The following SIPA1L3 variants were observed in gnomAD, a reference collection of about 807,000 sequenced individuals.
SIPA1L3 encodes signal-induced proliferation-associated 1-like protein 3.
In SIPA1L3, 59 loss-of-function variants were observed where a neutral mutation model predicts 150.1. The observed-to-expected ratio is 0.39, with a 90% CI of 0.32 to 0.49. The LOEUF (loss-of-function observed/expected upper bound fraction) is 0.49. Among genes scored for constraint, SIPA1L3 ranks in the 20% least tolerant of loss-of-function variants. The pLI, the probability that SIPA1L3 is intolerant of heterozygous loss-of-function variation, is 0.86. For synonymous variants in SIPA1L3, 1,070 were observed against 1,077.6 expected, an observed-to-expected ratio of 0.99 and a Z score of 0.14; for missense variants, 2,211 against 2,489.5, an observed-to-expected ratio of 0.89 and a Z score of 2.38.
chr19:38,152,703 A>G, intron 12 of SIPA1L3, 137 bp from the exon 13 acceptor site: 1 of 857,674 alleles, frequency 1.2e-6, no homozygotes, highest in South Asian at 2.4e-5. Context: ...CAGCCTTCCT[A>G]ACCGCTTTCT....
intron 1 of SIPA1L3, among the ~76,000 whole-genome samples, chr19:38,014,698 C>T (rs1038971026): frequency 1.3e-5 from 2 of 148,408 alleles, no homozygotes; most frequent in African/African-American, 5.0e-5. Flanking sequence ...GAGACGGAGC[C>T]TTGCTCTGTC....
chr19:37,973,565 G>GT (rs1555772360), intron 1 of SIPA1L3, among the ~76,000 whole-genome samples: 1 of 142,610 alleles, frequency 7.0e-6, no homozygotes. Flanking sequence ...GCGGGAGGGG[G>GT]GCGCATCTTG....
chr19:38,119,202 C>A lies in SIPA1L3; in HGVS notation c.2292-104C>A, dbSNP rs1970958669. On this transcript the variant is annotated intron_variant, in intron 8 of 21. Transcript: ENST00000222345. ...CAGAGTGAGACCTGTCTCGATAAAA[C>A]AAACAAACAAAAAACCCTATTCCTA... The A allele has an allele frequency of 1.5e-5, 17 of 1,160,610 alleles. No individual in the cohort carries two copies. The South Asian group carries it at 2.4e-4, about 16-fold the overall frequency. 71.9% of individuals were successfully genotyped at this position (1,160,610 alleles called of 1,614,324 possible).
chr19:38,033,972 T>G (rs733128), intron 2 of SIPA1L3, among the ~76,000 whole-genome samples: 74,384 of 151,990 alleles, frequency 0.49, 20,336 homozygotes, highest in East Asian at 0.71. Flanking sequence ...CTTGATTGAA[T>G]GAGGGCTTAT....
chr19:37,935,326 T>G (rs2046590874), intron 1 of SIPA1L3, among the ~76,000 whole-genome samples: 1 of 152,218 alleles, frequency 6.6e-6, no homozygotes, highest in Non-Finnish European at 1.5e-5. Context: ...GAAATCAGAA[T>G]GTGCAAGAGA....
chr19:38,122,574 A>G lies in SIPA1L3; in HGVS notation c.2868+2692A>G, dbSNP rs534088610. ...CTGTTCTCGACGTGGTAGTGAGAGCAATCTGATCACATCACCTCTCTGCCT... is the reference window on the plus strand; with the variant it reads ...CTGTTCTCGACGTGGTAGTGAGAGCGATCTGATCACATCACCTCTCTGCCT... On this transcript the variant is annotated intron_variant, in intron 9 of 21. Coordinates refer to ENST00000222345, the MANE Select transcript of SIPA1L3 (RefSeq NM_015073.3). 3.9e-5 allele frequency among the ~76,000 whole-genome samples: 6 copies of G among 152,216 alleles called. No individual in the cohort carries two copies. In the South Asian group the frequency reaches 1.2e-3, roughly 32 times the overall value.
chr19:37,919,705 CTT>C (rs10644508), intron 1 of SIPA1L3, among the ~76,000 whole-genome samples: 3 of 84,248 alleles, frequency 3.6e-5, no homozygotes, highest in African/African-American at 1.0e-4. Flanking sequence ...GGCCCTGAGG[CTT>C]TTTTTTTTTT....
At chr19:37,927,208 A>G (rs2046511674) in intron 1 of SIPA1L3, among the ~76,000 whole-genome samples, 1 of 148,458 alleles carries the variant, frequency 6.7e-6, no homozygotes, top group Non-Finnish European at 1.5e-5. Context: ...TAGTGGCGCA[A>G]TTTCAGCTCA....
At chr19:38,026,716 C>T (rs1968518817) in intron 1 of SIPA1L3, among the ~76,000 whole-genome samples, 1 of 152,152 alleles carries the variant, frequency 6.6e-6, no homozygotes, top group African/African-American at 2.4e-5. Context: ...ATCTCGGGTC[C>T]ATGGACCTTT....
rs75896993 is a variant in SIPA1L3, at chr19:38,145,240, A to C, written c.3533+2530A>C. Among the ~76,000 whole-genome samples the C allele has an allele frequency of 4.6e-5, 7 of 151,874 alleles. No individual in the cohort carries two copies. The East Asian group carries it at 1.2e-3, about 25-fold the overall frequency. Reference sequence around the variant, plus strand: ...GAGTCACAGGAAGTTGCCAAAAAAAACATACAGGTGGCCGGGCACAGTGGT... The same window carrying C: ...GAGTCACAGGAAGTTGCCAAAAAAACCATACAGGTGGCCGGGCACAGTGGT... On this transcript the variant is annotated intron_variant, in intron 12 of 21. Transcript: ENST00000222345.
intron 13 of SIPA1L3, among the ~76,000 whole-genome samples, chr19:38,161,486 AG>A (rs1235702327): frequency 6.6e-6 from 1 of 151,846 alleles, no homozygotes; most frequent in Non-Finnish European, 1.5e-5. Flanking sequence ...GCACTTTGGG[AG>A]GCCGAGGCAG....
chr19:37,939,511 C>T (rs557611799), intron 1 of SIPA1L3, among the ~76,000 whole-genome samples: 78 of 152,264 alleles, frequency 5.1e-4, no homozygotes, highest in Admixed American at 1.0e-3. Flanking sequence ...AAAGGAGCCC[C>T]GTAATAGACA....
rs34744094 is a variant in SIPA1L3, at chr19:37,972,168, AGTGTGT to A, written c.-378-56888_-378-56883del. On this transcript the variant is annotated intron_variant, in intron 1 of 21. Transcript: ENST00000222345. The stretch of plus-strand genomic sequence containing the variant: ...TTTTAGGAATAAGGCAGAGATACCT[AGTGTGT>A]GTGTGTGTGTGTGTGTGTGTGTGTG... Among the ~76,000 whole-genome samples the A allele has an allele frequency of 6.6e-3, 952 of 144,962 alleles. 10 individuals carry two copies. Among genetic ancestry groups the A allele is most frequent in the African/African-American group, 0.016 (634 of 39,010 alleles).
intron 2 of SIPA1L3, among the ~76,000 whole-genome samples, chr19:38,043,386 G>C (rs1224711459): frequency 6.6e-6 from 1 of 152,056 alleles, no homozygotes; most frequent in African/African-American, 2.4e-5. Flanking sequence ...GAAAGAAATA[G>C]AGAAAAAGCG....
chr19:38,180,245 G>A (rs1341541198), intron 15 of SIPA1L3, among the ~76,000 whole-genome samples: 1 of 152,236 alleles, frequency 6.6e-6, no homozygotes, highest in South Asian at 2.1e-4. Context: ...TAGAATTCCT[G>A]GTTAACAGTT....
intron 2 of SIPA1L3, among the ~76,000 whole-genome samples, chr19:38,059,450 C>T: frequency 6.6e-6 from 1 of 151,696 alleles, no homozygotes; most frequent in East Asian, 1.9e-4. Context: ...ACTACAGGTG[C>T]CTGCCACCAC....
At chr19:38,167,802 C>G (rs764035336) in intron 15 of SIPA1L3, among the ~76,000 whole-genome samples, 1 of 152,132 alleles carries the variant, frequency 6.6e-6, no homozygotes, top group African/African-American at 2.4e-5. Flanking sequence ...TGGGCTCAAG[C>G]GATGCTCCCA....
At chr19:37,963,388 G>A in intron 1 of SIPA1L3, among the ~76,000 whole-genome samples, 1 of 152,320 alleles carries the variant, frequency 6.6e-6, no homozygotes, top group East Asian at 1.9e-4. Context: ...TCATTCCCTG[G>A]ATCTTCCTGC....
In SIPA1L3 at chr19:38,082,575, A is replaced by C; in HGVS notation, c.1010A>C (p.Gln337Pro). Residue 337 changes from glutamine to proline, a missense_variant, in exon 3 of 22, where the codon CAG becomes CCG. Around this residue, in one of 5 missense-constraint regions of SIPA1L3, gnomAD observed 587 missense variants for 534.5 expected, o/e 1.10. Coordinates refer to ENST00000222345, the MANE Select transcript of SIPA1L3 (RefSeq NM_015073.3). ...PPEASRPWVC[Q>P]KSFAHFDVQS... Reference sequence around the variant, plus strand: ...GAAGCCAGCAGGCCGTGGGTGTGTCAGAAGAGCTTCGCCCACTTCGACGTG... The same window carrying C: ...GAAGCCAGCAGGCCGTGGGTGTGTCCGAAGAGCTTCGCCCACTTCGACGTG... 2 of 1,604,450 alleles carry C rather than the reference A, an allele frequency of 1.2e-6. No individual in the cohort carries two copies. The highest frequency in any genetic ancestry group is 1.7e-6 in the Non-Finnish European group (2 of 1,179,318).
Sources: allele counts gnomAD v4.1 joint callset (sites outside exome capture counted in the v4.1 genomes callset), GRCh38; gene constraint gnomAD v4.1.1; regional missense constraint gnomAD v4.1.1; transcripts MANE v1.5; gene names NCBI Gene and HGNC (gene_info 2026-07-23, HGNC 2026-07-21).